Variants in PCDHA6 observed in about 807,000 individuals in gnomAD.
PCDHA6 encodes protocadherin alpha-6.
A neutral mutation model predicts 60.3 loss-of-function variants in PCDHA6; 55 were observed. That is an observed-to-expected ratio of 0.91 (90% CI 0.73 to 1.14). PCDHA6 has a LOEUF of 1.14. PCDHA6 is among the 50% of genes most tolerant of loss of function. The probability of loss-of-function intolerance (pLI) is 0.00; values close to 1 mark genes in which losing one functional copy is unlikely to be tolerated. For synonymous variants in PCDHA6, 652 were observed against 557.9 expected (o/e 1.17, Z -2.38); for missense variants, 1,327 against 1,256.5 (o/e 1.06, Z -0.85).
intron 1 of PCDHA6, among the ~76,000 whole-genome samples, chr5:140,936,138 C>G (rs1396548448): frequency 6.6e-6 from 1 of 152,074 alleles, no homozygotes; most frequent in African/African-American, 2.4e-5. Context: ...AGTGATCTGC[C>G]CGCCTTGGCC....
At chr5:140,925,072 G>C (rs921580794) in intron 1 of PCDHA6, among the ~76,000 whole-genome samples, 1 of 149,184 alleles carries the variant, frequency 6.7e-6, no homozygotes, top group Non-Finnish European at 1.5e-5. Context: ...AAAGCAACAC[G>C]CTCATCTGGA....
intron 1 of PCDHA6, among the ~76,000 whole-genome samples, chr5:140,900,093 C>T (rs559553399): frequency 1.6e-4 from 24 of 152,202 alleles, no homozygotes; most frequent in Middle Eastern, 3.4e-3. Flanking sequence ...TACAAGCATG[C>T]GCCACCATAC....
chr5:140,876,017 T>C lies in PCDHA6; in HGVS notation c.2394+45532T>C, dbSNP rs371785405. The C allele has an allele frequency of 8.7e-6, 14 of 1,613,124 alleles. No homozygotes were observed. Among genetic ancestry groups the C allele is most frequent in the Admixed American group, 3.3e-5 (2 of 59,812 alleles). ...CTAAATGAGAATTTTGAGCTTAAAA[T>C]AAAAACAAAAAAAGATAAAAGTATA... On this transcript the variant is annotated intron_variant, in intron 1 of 3. Transcript: ENST00000529310.
intron 1 of PCDHA6, chr5:140,966,657 G>A: frequency 1.7e-6 from 2 of 1,210,192 alleles, no homozygotes; most frequent in Admixed American, 3.9e-5. Context: ...TGAGCGGTGG[G>A]GGAGCAGGCG....
intron 1 of PCDHA6, chr5:140,968,792 A>G (rs200477554): frequency 2.5e-6 from 4 of 1,614,186 alleles, no homozygotes; most frequent in Admixed American, 3.3e-5. Flanking sequence ...CTCTGTGGCC[A>G]TTACAGTAGC....
Position 140,828,082 on chromosome 5 carries a change from G to T in PCDHA6, c.-10G>T, listed in dbSNP as rs369653273. The T allele has an allele frequency of 6.3e-7, 1 of 1,582,914 alleles. No individual in the cohort carries two copies. Among genetic ancestry groups the T allele is most frequent in the Non-Finnish European group, 8.6e-7 (1 of 1,164,936 alleles). On this transcript the variant is annotated 5_prime_UTR_variant, in exon 1 of 4. In the 5' UTR this introduces an upstream ATG that the reference lacks. Transcript: ENST00000529310. Reference sequence around the variant, plus strand: ...ATCTTCTAATGGAAATAAAACCAGAGGTATTTGACATGGTGTTTACCCCGG... The same window carrying T: ...ATCTTCTAATGGAAATAAAACCAGATGTATTTGACATGGTGTTTACCCCGG...
At chr5:140,933,338 G>T (rs2089065952) in intron 1 of PCDHA6, among the ~76,000 whole-genome samples, 1 of 151,926 alleles carries the variant, frequency 6.6e-6, no homozygotes, top group South Asian at 2.1e-4. Context: ...TGTAGAGAAA[G>T]ATAAACACTT....
chr5:140,994,483 G>A (rs1356969213), intron 3 of PCDHA6, among the ~76,000 whole-genome samples: 1 of 152,062 alleles, frequency 6.6e-6, no homozygotes, highest in East Asian at 1.9e-4. Context: ...CGGGTGGATT[G>A]CCTGAACCCA....
At chr5:140,838,555 C>T (rs1775778485) in intron 1 of PCDHA6, among the ~76,000 whole-genome samples, 1 of 151,794 alleles carries the variant, frequency 6.6e-6, no homozygotes, top group Non-Finnish European at 1.5e-5. Flanking sequence ...ATTTATTCAT[C>T]CAGTACTGTA....
intron 1 of PCDHA6, among the ~76,000 whole-genome samples, chr5:140,894,553 T>G (rs2064537673): frequency 6.6e-6 from 1 of 152,008 alleles, no homozygotes; most frequent in South Asian, 2.1e-4. Flanking sequence ...TGTTTACTTC[T>G]GAAAAAATTA....
intron 1 of PCDHA6, among the ~76,000 whole-genome samples, chr5:140,934,913 G>A (rs1226804104): frequency 1.3e-5 from 2 of 152,062 alleles, no homozygotes; most frequent in African/African-American, 4.8e-5. Flanking sequence ...GAATAATTAT[G>A]GATTCACATA....
intron 1 of PCDHA6, chr5:140,869,090 C>G (rs150845602): frequency 1.3e-6 from 2 of 1,589,674 alleles, no homozygotes; most frequent in African/African-American, 1.4e-5. Context: ...TTTTGGAAGC[C>G]AATTTCGTAT....
intron 1 of PCDHA6, among the ~76,000 whole-genome samples, chr5:140,919,029 A>C (rs1474107507): frequency 6.6e-6 from 1 of 152,126 alleles, no homozygotes; most frequent in Non-Finnish European, 1.5e-5. Flanking sequence ...TCTTCTGCCT[A>C]GTTGTTGTCC....
At chr5:140,966,617 A>G (rs1169791623) in intron 1 of PCDHA6, 8 of 785,216 alleles carry the variant, frequency 1.0e-5, no homozygotes, top group African/African-American at 1.8e-5. Flanking sequence ...GGGCCTACGG[A>G]GGGAGCGGCC....
At position 141,010,198 on chromosome 5, in the gene PCDHA6, C is replaced by T; in HGVS notation, c.*261C>T. ...AAAGCAGACCCAAGTTTCCTTTCTC[C>T]TCCGCCGCAAAGGAGAGGCTTCCCA... On this transcript the variant is annotated 3_prime_UTR_variant, in exon 4 of 4. Transcript: ENST00000529310. The T allele has an allele frequency of 6.4e-7, 1 of 1,552,138 alleles. No homozygotes were observed. The highest frequency in any genetic ancestry group is 1.4e-5 in the African/African-American group (1 of 73,154).
At chr5:140,999,319 T>G (rs2097853876) in intron 3 of PCDHA6, among the ~76,000 whole-genome samples, 1 of 152,236 alleles carries the variant, frequency 6.6e-6, no homozygotes, top group African/African-American at 2.4e-5. Flanking sequence ...TGACAGACAT[T>G]GATCTGTGTG....
At position 140,849,443 on chromosome 5, in the gene PCDHA6, C is replaced by G. The variant is rs2150437584; in HGVS notation, c.2394+18958C>G. On this transcript the variant is annotated intron_variant, in intron 1 of 3. Coordinates refer to ENST00000529310, the MANE Select transcript of PCDHA6 (RefSeq NM_018909.4). ...TGGATTTTGAAGAAAGTAGAGCACA[C>G]AAGATCCCAGTCGAGGCTGTCGATA... 1.9e-6 allele frequency: 3 copies of G among 1,584,788 alleles called. 1 individual carries two copies. The highest frequency in any genetic ancestry group is 8.6e-7 in the Non-Finnish European group (1 of 1,160,072).
chr5:140,876,551 A>G (rs781855200), intron 1 of PCDHA6: 1 of 1,614,184 alleles, frequency 6.2e-7, no homozygotes, highest in Admixed American at 1.7e-5. Context: ...CTCCCTGTGC[A>G]AGAGGATGCT....
chr5:140,972,244 A>G (rs2096526797), intron 1 of PCDHA6, among the ~76,000 whole-genome samples: 1 of 151,646 alleles, frequency 6.6e-6, no homozygotes, highest in African/African-American at 2.4e-5. Context: ...GGCTCAAGCA[A>G]TCCTCACACA....
Sources: gnomAD v4.1 joint callset for allele counts (sites outside exome capture counted in the v4.1 genomes callset) on GRCh38, gnomAD v4.1.1 for gene constraint, MANE v1.5 for transcripts, NCBI Gene and HGNC (gene_info 2026-07-23, HGNC 2026-07-21) for gene names.